Variants in ANKRD30B observed in about 807,000 individuals in gnomAD.
ANKRD30B encodes the protein ankyrin repeat domain-containing protein 30B.
ANKRD30B carries 144 observed loss-of-function variants against 202.2 expected under a neutral mutation model. The observed-to-expected ratio is 0.71, with a 90% confidence interval of 0.62 to 0.82. The LOEUF is 0.82. Among genes scored for constraint, ANKRD30B ranks in the 40% least tolerant of loss-of-function variants. The pLI is 0.00. For missense variants in ANKRD30B, 1,487 were observed against 1,669.1 expected (o/e 0.89, Z 1.90); for synonymous variants, 508 against 561.3 (o/e 0.91, Z 1.34).
chr18:14,899,372 A>C, the ANKRD30B span, among the ~76,000 whole-genome samples: 1 of 152,192 alleles, frequency 6.6e-6, no homozygotes, highest in Non-Finnish European at 1.5e-5. Flanking sequence ...ATATGTTGAA[A>C]TATAAATGTT....
the ANKRD30B span, among the ~76,000 whole-genome samples, chr18:14,909,521 C>T: frequency 6.6e-6 from 1 of 152,138 alleles, no homozygotes; most frequent in African/African-American, 2.4e-5. Flanking sequence ...GATTCTTCCC[C>T]CTCAGCCTCC....
rs1970363883 is a variant in ANKRD30B, at chr18:14,820,567, C to T, written c.2642-1916C>T. On this transcript the variant is annotated intron_variant, in intron 30 of 43. Transcript: ENST00000690538. ...TACCTAATTTATTGAGTGTTTTTAG[C>T]ATGAAGGGTTGTTGAATTTTGTCAA... is the stretch of plus-strand genomic sequence containing the variant. Among the ~76,000 whole-genome samples, 11 of 152,012 alleles carry T rather than the reference C, an allele frequency of 7.2e-5. No individual in the cohort carries two copies. In the South Asian group the frequency reaches 2.1e-3, roughly 29 times the overall value.
intron 11 of ANKRD30B, among the ~76,000 whole-genome samples, chr18:14,780,974 C>A (rs956798014): frequency 6.6e-6 from 1 of 152,224 alleles, no homozygotes; most frequent in Non-Finnish European, 1.5e-5. Context: ...GATGTGTAGT[C>A]CAAGGTCACA....
At chr18:14,826,214 G>T (rs1970651274) in intron 32 of ANKRD30B, among the ~76,000 whole-genome samples, 1 of 152,162 alleles carries the variant, frequency 6.6e-6, no homozygotes, top group Non-Finnish European at 1.5e-5. Flanking sequence ...AATCCTGGGA[G>T]TATCAACATT....
chr18:14,880,345 C>A, the ANKRD30B span, among the ~76,000 whole-genome samples: 1,950 of 152,166 alleles, frequency 0.013, 32 homozygotes, highest in African/African-American at 0.044. Flanking sequence ...TTTTGCTTAG[C>A]CTTGGTCTGG....
the ANKRD30B span, among the ~76,000 whole-genome samples, chr18:14,924,867 A>G: frequency 1.3e-5 from 2 of 152,212 alleles, no homozygotes; most frequent in Non-Finnish European, 2.9e-5. Context: ...TGGTTAGGAC[A>G]CAGATGGGGC....
rs529902764 is a variant in ANKRD30B at position 14,854,417 on chromosome 18, G to A, written c.*259G>A. On this transcript the variant is annotated 3_prime_UTR_variant, in exon 44 of 44. Coordinates refer to ENST00000690538, the MANE Select transcript of ANKRD30B (RefSeq NM_001367607.2). ...GCTTCTGGTGTGTGGGATGGGGGTAGAATCCCATGCATGAGAAGGGGACAG... is the reference window on the plus strand; with the variant it reads ...GCTTCTGGTGTGTGGGATGGGGGTAAAATCCCATGCATGAGAAGGGGACAG... 6.6e-6 allele frequency among the ~76,000 whole-genome samples: 1 copy of A among 152,298 alleles called. No homozygotes were observed. Among genetic ancestry groups the A allele is most frequent in the South Asian group, 2.1e-4 (1 of 4,820 alleles).
the ANKRD30B span, among the ~76,000 whole-genome samples, chr18:14,879,806 G>T: frequency 6.6e-6 from 1 of 151,998 alleles, no homozygotes; most frequent in Admixed American, 6.5e-5. Flanking sequence ...AGGGTCAGGG[G>T]TCAGGGTCAG....
chr18:14,778,138 T>C (rs1812333699), intron 10 of ANKRD30B, 63 bp downstream of exon 10: 10 of 1,047,600 alleles, frequency 9.5e-6, no homozygotes, highest in Non-Finnish European at 1.3e-5. Context: ...TCATGAGGAC[T>C]GATATACTCT....
At chr18:14,775,159 T>G (rs1967279375) in intron 9 of ANKRD30B, among the ~76,000 whole-genome samples, 1 of 152,184 alleles carries the variant, frequency 6.6e-6, no homozygotes, top group African/African-American at 2.4e-5. Context: ...GAAATTATTT[T>G]CTGACATTTA....
the ANKRD30B span, among the ~76,000 whole-genome samples, chr18:14,913,994 C>T: frequency 4.6e-5 from 7 of 152,062 alleles, no homozygotes; most frequent in South Asian, 2.1e-4. Flanking sequence ...GAGGTATAAA[C>T]GGGGTAATTT....
At chr18:14,773,596 A>G (rs1311191371) in intron 9 of ANKRD30B, among the ~76,000 whole-genome samples, 2 of 152,124 alleles carry the variant, frequency 1.3e-5, no homozygotes, top group Non-Finnish European at 2.9e-5. Flanking sequence ...AGAAGATTAC[A>G]CTATATTTTC....
intron 33 of ANKRD30B, among the ~76,000 whole-genome samples, chr18:14,829,531 C>T (rs144827040): frequency 1.3e-5 from 2 of 152,190 alleles, no homozygotes; most frequent in African/African-American, 4.8e-5. Flanking sequence ...GAGAAACAAT[C>T]CCAGGATTGG....
chr18:14,888,953 C>T, the ANKRD30B span: 2 of 775,026 alleles, frequency 2.6e-6, no homozygotes, highest in African/African-American at 1.8e-5. Flanking sequence ...TTTAGAGAGG[C>T]TCAATTAAAC....
intron 1 of ANKRD30B, among the ~76,000 whole-genome samples, chr18:14,749,970 A>T (rs1401008733): frequency 6.6e-6 from 1 of 151,960 alleles, no homozygotes; most frequent in Non-Finnish European, 1.5e-5. Context: ...ATAGATTAAA[A>T]ATTTTTAATA....
intron 9 of ANKRD30B, among the ~76,000 whole-genome samples, chr18:14,774,530 T>A (rs1257440702): frequency 6.6e-6 from 1 of 152,170 alleles, no homozygotes; most frequent in Non-Finnish European, 1.5e-5. Flanking sequence ...TCTCCATGAT[T>A]TATTCTTTTT....
intron 34 of ANKRD30B, among the ~76,000 whole-genome samples, chr18:14,834,585 T>G (rs200576418): frequency 7.2e-6 from 1 of 138,006 alleles, no homozygotes; most frequent in African/African-American, 2.6e-5. Flanking sequence ...GAGTGACTTA[T>G]AGCTGATTTT....
the ANKRD30B span, among the ~76,000 whole-genome samples, chr18:14,912,419 T>G: frequency 6.6e-6 from 1 of 152,240 alleles, no homozygotes; most frequent in Admixed American, 6.5e-5. Flanking sequence ...TGCATCTTAT[T>G]TATTGACTCA....
the ANKRD30B span, among the ~76,000 whole-genome samples, chr18:14,867,247 G>A: frequency 4.8e-5 from 7 of 146,336 alleles, no homozygotes; most frequent in African/African-American, 1.5e-4. Context: ...TGCTATCAGG[G>A]TAACACTGCC....
Sources: allele counts gnomAD v4.1 joint callset (sites outside exome capture counted in the v4.1 genomes callset), GRCh38; gene constraint gnomAD v4.1.1; transcripts MANE v1.5; gene names NCBI Gene and HGNC (gene_info 2026-07-23, HGNC 2026-07-21).